Variants in GINM1 observed in about 807,000 individuals in gnomAD.
GINM1 encodes the protein glycoprotein integral membrane protein 1.
In GINM1, 29 loss-of-function variants were observed where a neutral mutation model predicts 37.8. The ratio of observed to expected loss-of-function variants is 0.77; its 90% CI spans 0.57 to 1.05. The LOEUF is 1.05. Among genes scored for constraint, GINM1 ranks in the 50% least tolerant of loss-of-function variants. The probability of loss-of-function intolerance (pLI) is 0.00; values close to 1 mark genes in which losing one functional copy is unlikely to be tolerated. For missense variants in GINM1, 377 were observed against 397.9 expected (o/e 0.95, Z 0.45); for synonymous variants, 143 against 146.2 (o/e 0.98, Z 0.16).
At chr6:149,568,721 C>T (rs1452281182) in intron 1 of GINM1, among the ~76,000 whole-genome samples, 2 of 152,202 alleles carry the variant, frequency 1.3e-5, no homozygotes, top group Non-Finnish European at 2.9e-5. Flanking sequence ...AAAATTCTGC[C>T]TTCTTCCGAT....
intron 6 of GINM1, among the ~76,000 whole-genome samples, chr6:149,581,459 G>A (rs1356260521): frequency 6.6e-6 from 1 of 152,066 alleles, no homozygotes; most frequent in East Asian, 1.9e-4. Flanking sequence ...ATCCCCGGCC[G>A]ATAATTACTC....
rs896003323 is a variant in GINM1, at chr6:149,579,879, C to T, written c.475C>T (p.Arg159Trp). The T allele has an allele frequency of 8.1e-6, 13 of 1,603,806 alleles. No homozygotes were observed. Among genetic ancestry groups the T allele is most frequent in the South Asian group, 3.3e-5 (3 of 89,704 alleles). Residue 159 changes from arginine (R) to tryptophan (W), a missense_variant, in exon 5 of 8, where the codon CGG becomes TGG. Transcript: ENST00000367419. ...VTEIDILVKN[R>W]GVLRHSNYTL... Reference sequence around the variant, plus strand: ...TGAAATTGATATTTTAGTTAAGAACCGGGGAGTACTCAGACATTCAAACTA... The same window carrying T: ...TGAAATTGATATTTTAGTTAAGAACTGGGGAGTACTCAGACATTCAAACTA...
At chr6:149,584,783 C>T (rs923030240) in intron 7 of GINM1, among the ~76,000 whole-genome samples, 1 of 149,156 alleles carries the variant, frequency 6.7e-6, no homozygotes, top group Non-Finnish European at 1.5e-5. Context: ...ATATATAATA[C>T]TTGTATATAT....
At chr6:149,572,822 C>T (rs575208476) in intron 3 of GINM1, among the ~76,000 whole-genome samples, 4 of 152,190 alleles carry the variant, frequency 2.6e-5, no homozygotes, top group African/African-American at 9.6e-5. Flanking sequence ...CCACCATACC[C>T]GGCTAACTTT....
intron 1 of GINM1, among the ~76,000 whole-genome samples, chr6:149,571,103 C>T (rs1012217551): frequency 1.3e-5 from 2 of 151,966 alleles, no homozygotes. Flanking sequence ...ATCACGAGGT[C>T]GGGAGTTCGC....
In GINM1 at chr6:149,578,894, A is replaced by C; in HGVS notation, c.350A>C (p.His117Pro). 1 of 1,602,702 alleles carries C rather than the reference A, an allele frequency of 6.2e-7. No individual in the cohort carries two copies. The highest frequency in any genetic ancestry group is 8.5e-7 in the Non-Finnish European group (1 of 1,170,266). ...FGIVSVRILV[H>P]EWPMTSGSSL... ...ATTGTCAGTGTAAGGATTTTAGTTC[A>C]TGAGTGGCCTATGACATCTGGTTCC... The change falls in exon 4 of 8, where the codon CAT becomes CCT. Residue 117 changes from histidine to proline, a missense_variant. Coordinates refer to ENST00000367419, the MANE Select transcript of GINM1 (RefSeq NM_138785.5).
In GINM1 at chr6:149,572,311, A is replaced by C. The variant is rs1042273577; in HGVS notation, c.147A>C (p.Thr49=). The change falls in exon 2 of 8, where the codon ACA becomes ACC. Residue 49 remains threonine, a synonymous_variant. Transcript: ENST00000367419. ...ACGGCATCAGAATTAATGTAACTAC[A>C]CTGAAAGATGATGGGGACATATCTA... The part of the protein sequence containing the change: ...PQDGIRINVT[T]LKDDGDISKQ... 7 of 1,601,158 alleles carry C rather than the reference A, an allele frequency of 4.4e-6. No individual in the cohort carries two copies. The highest frequency in any genetic ancestry group is 5.1e-6 in the Non-Finnish European group (6 of 1,174,476).
At chr6:149,582,869 A>G (rs1041619817) in intron 7 of GINM1, among the ~76,000 whole-genome samples, 1 of 152,214 alleles carries the variant, frequency 6.6e-6, no homozygotes, top group Non-Finnish European at 1.5e-5. Flanking sequence ...ATCTAGTAGC[A>G]GAGGAAGGAA....
chr6:149,572,330 A>AT lies in GINM1; in HGVS notation c.167dup (p.Ser57IlefsTer2), dbSNP rs1562270320. 9 of 1,596,506 alleles carry AT rather than the reference A, an allele frequency of 5.6e-6. No homozygotes were observed. The highest frequency in any genetic ancestry group is 6.0e-6 in the Non-Finnish European group (7 of 1,170,852). ...AACTACACTGAAAGATGATGGGGAC[A>AT]TATCTAAACAGCAGGTTTGTCTCCT... On this transcript the variant is annotated frameshift_variant, in exon 2 of 8. Coordinates refer to ENST00000367419, the MANE Select transcript of GINM1 (RefSeq NM_138785.5). LOFTEE classifies it high-confidence loss of function.
intron 1 of GINM1, among the ~76,000 whole-genome samples, chr6:149,571,458 G>A (rs901767748): frequency 8.5e-5 from 13 of 152,180 alleles, no homozygotes; most frequent in African/African-American, 2.7e-4. Flanking sequence ...TGCATCAACA[G>A]TATCAACTAC....
chr6:149,586,395 A>G (rs1778071622), intron 7 of GINM1, among the ~76,000 whole-genome samples: 1 of 152,124 alleles, frequency 6.6e-6, no homozygotes, highest in Admixed American at 6.5e-5. Context: ...TTCATGAAGG[A>G]TCTGTCCTCA....
chr6:149,569,255 C>T (rs1214394305), intron 1 of GINM1, among the ~76,000 whole-genome samples: 1 of 150,466 alleles, frequency 6.6e-6, no homozygotes, highest in Non-Finnish European at 1.5e-5. Flanking sequence ...AGGTTGGTCT[C>T]GAACTCCTGA....
chr6:149,566,496 G>A lies in GINM1; in HGVS notation c.82G>A (p.Gly28Ser), dbSNP rs1562268775. 1 of 1,540,346 alleles carries A rather than the reference G, an allele frequency of 6.5e-7. No homozygotes were observed. The highest frequency in any genetic ancestry group is 8.7e-7 in the Non-Finnish European group (1 of 1,153,512). The change falls in exon 1 of 8, where the codon GGC becomes AGC. Residue 28 changes from glycine (G) to serine (S), a missense_variant. Coordinates refer to ENST00000367419, the MANE Select transcript of GINM1 (RefSeq NM_138785.5). This position sits in a 1 kb window ranked among gnomAD's most constrained non-coding sequence, Gnocchi z 4.4. The part of the protein sequence containing the change: ...ALPASGWLTT[G>S]APEPPPLSGA... ...ACCCGCCTCCGGCTGGCTGACGACG[G>A]GCGCCCCCGAGCCGCCGCCGCTGTC...
intron 1 of GINM1, among the ~76,000 whole-genome samples, chr6:149,571,616 A>T (rs1241205848): frequency 2.0e-5 from 3 of 152,176 alleles, no homozygotes; most frequent in Non-Finnish European, 4.4e-5. Context: ...AATTGGGTAT[A>T]GGATTCCTTC....
chr6:149,577,179 C>A (rs901589635), intron 3 of GINM1, among the ~76,000 whole-genome samples: 6 of 152,208 alleles, frequency 3.9e-5, no homozygotes, highest in African/African-American at 1.4e-4. Flanking sequence ...TATCAGGTAC[C>A]AAATTTGCAG....
intron 7 of GINM1, among the ~76,000 whole-genome samples, chr6:149,584,871 G>C (rs1444386115): frequency 6.6e-6 from 1 of 151,588 alleles, no homozygotes; most frequent in African/African-American, 2.4e-5. Flanking sequence ...ATGTTGGCTA[G>C]GTTGGTCTTG....
chr6:149,577,305 G>A (rs1036136593), intron 3 of GINM1: 1 of 152,292 alleles, frequency 6.6e-6, no homozygotes, highest in Non-Finnish European at 1.5e-5. Context: ...GCTGTTCCAC[G>A]AAGGAGACCC....
chr6:149,579,350 T>C (rs982925447), intron 4 of GINM1, among the ~76,000 whole-genome samples: 1 of 152,100 alleles, frequency 6.6e-6, no homozygotes, highest in Non-Finnish European at 1.5e-5. Context: ...AGGAATATTA[T>C]TAAAGTTGCA....
At chr6:149,570,693 A>G (rs1283287166) in intron 1 of GINM1, among the ~76,000 whole-genome samples, 2 of 152,208 alleles carry the variant, frequency 1.3e-5, no homozygotes, top group African/African-American at 2.4e-5. Flanking sequence ...GGGCCAGCAG[A>G]TATACTTGTA....
Sources: allele counts gnomAD v4.1 joint callset (sites outside exome capture counted in the v4.1 genomes callset), GRCh38; gene constraint gnomAD v4.1.1; non-coding constraint Gnocchi (gnomAD v3.1); transcripts MANE v1.5; gene names NCBI Gene and HGNC (gene_info 2026-07-23, HGNC 2026-07-21).